Variants in KANSL1 observed in about 807,000 individuals in gnomAD.
The protein encoded by KANSL1 is MLL1/MLL complex subunit KANSL1.
KANSL1 carries 22 observed loss-of-function variants against 103.6 expected under a neutral mutation model. The ratio of observed to expected loss-of-function variants is 0.21; its 90% CI spans 0.15 to 0.30. KANSL1 has a LOEUF of 0.30. KANSL1 is among the 10% of genes least tolerant of loss of function. The probability of loss-of-function intolerance (pLI) is 1.00; values close to 1 mark genes in which losing one functional copy is unlikely to be tolerated. For missense variants in KANSL1, 1,337 were observed against 1,399.8 expected (o/e 0.96, Z 0.72); for synonymous variants, 600 against 527.6 (o/e 1.14, Z -1.88).
chr17:46,171,716 G>C lies in KANSL1; in HGVS notation c.428C>G (p.Thr143Arg). 1 of 1,566,642 alleles carries C rather than the reference G, an allele frequency of 6.4e-7. No homozygotes were observed. The highest frequency in any genetic ancestry group is 8.6e-7 in the Non-Finnish European group (1 of 1,160,446). Reference protein sequence around the residue: ...FSLENLRTMNTSGQTALPQAP... With the variant: ...FSLENLRTMNRSGQTALPQAP... ...TTGTGGCAGAGCTGTCTGACCACTC[G>C]TATTCATGGTTCTAAGATTTTCTAA... The change falls in exon 2 of 15, where the codon ACG becomes AGG. Residue 143 changes from threonine (T) to arginine (R), a missense_variant. Thr to Arg is a moderately conservative substitution (Grantham distance 71, BLOSUM62 -1). Coordinates refer to ENST00000432791, the MANE Select transcript of KANSL1 (RefSeq NM_015443.4).
intron 1 of KANSL1, among the ~76,000 whole-genome samples, chr17:46,180,249 A>G (rs540915433): frequency 5.3e-5 from 8 of 152,154 alleles, no homozygotes; most frequent in Admixed American, 2.0e-4. Flanking sequence ...CAATCCCCGC[A>G]CTTTGGGAGG....
intron 1 of KANSL1, among the ~76,000 whole-genome samples, chr17:46,209,096 T>C (rs1262137699): frequency 6.6e-6 from 1 of 151,380 alleles, no homozygotes; most frequent in African/African-American, 2.4e-5. Context: ...GGCAGGAGAA[T>C]TGCTTGAACC....
chr17:46,143,803 CAAAAAAAA>C (rs57361021), intron 2 of KANSL1, among the ~76,000 whole-genome samples: 2 of 85,536 alleles, frequency 2.3e-5, no homozygotes, highest in South Asian at 4.0e-4. Context: ...GACTCCATCT[CAAAAAAAA>C]AAAAAAAAAA....
chr17:46,179,051 G>T (rs1048362579), intron 1 of KANSL1, among the ~76,000 whole-genome samples: 5 of 152,148 alleles, frequency 3.3e-5, no homozygotes, highest in African/African-American at 7.2e-5. Flanking sequence ...CTATCACAGG[G>T]GGCTATCCTG....
chr17:46,219,309 T>C (rs2048443647), intron 1 of KANSL1, among the ~76,000 whole-genome samples: 1 of 151,014 alleles, frequency 6.6e-6, no homozygotes, highest in Non-Finnish European at 1.5e-5. Context: ...CTTAAGGGGA[T>C]ATACAATGAA....
chr17:46,196,247 T>G, upstream of KANSL1: 1 of 444,908 alleles, frequency 2.2e-6, no homozygotes, highest in Admixed American at 2.5e-5. Context: ...AAATGAAAAG[T>G]GATAAAAAAA....
At position 46,033,436 on chromosome 17, in the gene KANSL1, A is replaced by G. The variant is rs1427714567; in HGVS notation, c.2691T>C (p.Ser897=). The stretch of plus-strand genomic sequence containing the variant: ...TCTCCTCATCAGGACTCCCCTTCAG[A>G]GACTGAAGATCAACCTCCCGCCAGC... ...TPSWREVDLQ[S]LKGSPDEENE... Residue 897 remains serine (S), a synonymous_variant, in exon 12 of 15, where the codon TCT becomes TCC. Coordinates refer to ENST00000432791, the MANE Select transcript of KANSL1 (RefSeq NM_015443.4). 4 of 1,614,048 alleles carry G rather than the reference A, an allele frequency of 2.5e-6. No individual in the cohort carries two copies. In the East Asian group the frequency reaches 6.7e-5, roughly 27 times the overall value.
intron 2 of KANSL1, among the ~76,000 whole-genome samples, chr17:46,108,586 A>G (rs1473703766): frequency 2.6e-5 from 4 of 152,168 alleles, no homozygotes; most frequent in African/African-American, 4.8e-5. Flanking sequence ...TGTCTTGTTC[A>G]CCATAATATC....
At chr17:46,217,765 C>T (rs879347187) in intron 1 of KANSL1, among the ~76,000 whole-genome samples, 7 of 152,214 alleles carry the variant, frequency 4.6e-5, no homozygotes, top group Non-Finnish European at 1.0e-4. Flanking sequence ...TGGCTCATGC[C>T]TGTAATCCCA....
intron 3 of KANSL1, among the ~76,000 whole-genome samples, chr17:46,085,715 C>T (rs945518982): frequency 6.6e-6 from 1 of 152,182 alleles, no homozygotes; most frequent in African/African-American, 2.4e-5. Flanking sequence ...TGGTCTCGAA[C>T]TCTTGGACTC....
At chr17:46,059,919 C>G (rs1162654250) in intron 6 of KANSL1, among the ~76,000 whole-genome samples, 1 of 151,818 alleles carries the variant, frequency 6.6e-6, no homozygotes, top group Non-Finnish European at 1.5e-5. Flanking sequence ...GGCGACAGAG[C>G]GAGACTCCAT....
chr17:46,188,786 T>C (rs1249939812), intron 1 of KANSL1, among the ~76,000 whole-genome samples: 2 of 151,760 alleles, frequency 1.3e-5, no homozygotes, highest in Admixed American at 1.3e-4. Flanking sequence ...ATCCTAGCAC[T>C]TTGGGAGGCT....
intron 1 of KANSL1, among the ~76,000 whole-genome samples, chr17:46,205,509 C>T (rs1175701547): frequency 2.0e-5 from 3 of 151,546 alleles, no homozygotes; most frequent in African/African-American, 7.3e-5. Flanking sequence ...TGGTGAAACC[C>T]CGTCTCTACT....
intron 6 of KANSL1, among the ~76,000 whole-genome samples, chr17:46,057,627 A>G (rs942916607): frequency 3.9e-5 from 6 of 152,230 alleles, no homozygotes; most frequent in African/African-American, 1.4e-4. Flanking sequence ...CGAAACTAAA[A>G]CTGGACTTAT....
chr17:46,142,076 G>C (rs1404535786), intron 2 of KANSL1, among the ~76,000 whole-genome samples: 1 of 152,090 alleles, frequency 6.6e-6, no homozygotes, highest in African/African-American at 2.4e-5. Context: ...TTTTAGTAGA[G>C]CCAAGGTTTC....
intron 3 of KANSL1, among the ~76,000 whole-genome samples, chr17:46,085,711 C>T (rs974516672): frequency 1.3e-5 from 2 of 152,112 alleles, no homozygotes; most frequent in Non-Finnish European, 2.9e-5. Flanking sequence ...AGGCTGGTCT[C>T]GAACTCTTGG....
chr17:46,063,448 T>C (rs2078251365), intron 6 of KANSL1, among the ~76,000 whole-genome samples: 1 of 152,148 alleles, frequency 6.6e-6, no homozygotes, highest in African/African-American at 2.4e-5. Flanking sequence ...GGTCATGTCA[T>C]GAGTGAGGAG....
intron 2 of KANSL1, among the ~76,000 whole-genome samples, chr17:46,130,299 AT>A (rs1174141417): frequency 6.6e-6 from 1 of 151,780 alleles, no homozygotes; most frequent in Non-Finnish European, 1.5e-5. Flanking sequence ...GGGTCCTGGG[AT>A]TTTCCCTTTA....
intron 2 of KANSL1, among the ~76,000 whole-genome samples, chr17:46,130,089 G>C (rs965717969): frequency 2.6e-5 from 4 of 151,122 alleles, no homozygotes; most frequent in Admixed American, 1.3e-4. Flanking sequence ...AGGAGGCTGA[G>C]ACGGGAGAAT....
Sources: allele counts gnomAD v4.1 joint callset (sites outside exome capture counted in the v4.1 genomes callset), GRCh38; gene constraint gnomAD v4.1.1; transcripts MANE v1.5; gene names NCBI Gene and HGNC (gene_info 2026-07-23, HGNC 2026-07-21).